Variants in BBS9 observed in about 807,000 individuals in gnomAD.
BBS9 encodes protein PTHB1.
In BBS9, 89 loss-of-function variants were observed where a neutral mutation model predicts 117.7. The observed-to-expected ratio is 0.76, with a 90% CI of 0.64 to 0.90. The LOEUF (loss-of-function observed/expected upper bound fraction) is 0.90, where lower values mean the gene tolerates loss of function less well. Among genes scored for constraint, BBS9 ranks in the 40% least tolerant of loss-of-function variants. The probability of loss-of-function intolerance (pLI) is 0.00; values close to 1 mark genes in which losing one functional copy is unlikely to be tolerated. For synonymous variants in BBS9, 379 were observed against 370.9 expected (o/e 1.02, Z -0.25); for missense variants, 982 against 1,042.2 (o/e 0.94, Z 0.80).
At chr7:33,161,554 TA>T (rs1794850434) in intron 4 of BBS9, among the ~76,000 whole-genome samples, 1 of 152,248 alleles carries the variant, frequency 6.6e-6, no homozygotes, top group Non-Finnish European at 1.5e-5. Flanking sequence ...AAGTCTTTGC[TA>T]TTGTGAATAG....
chr7:33,490,611 C>G (rs1296049646), intron 19 of BBS9, among the ~76,000 whole-genome samples: 5 of 152,136 alleles, frequency 3.3e-5, no homozygotes, highest in African/African-American at 1.2e-4. Context: ...CTCATTGAGC[C>G]AAATTTCTTC....
At chr7:33,465,405 G>T (rs991968393) in intron 19 of BBS9, among the ~76,000 whole-genome samples, 1 of 152,074 alleles carries the variant, frequency 6.6e-6, no homozygotes, top group Non-Finnish European at 1.5e-5. Context: ...GCAGAGGAAT[G>T]CCAGCAGGGG....
intron 19 of BBS9, among the ~76,000 whole-genome samples, chr7:33,393,682 T>C (rs987028568): frequency 6.6e-6 from 1 of 152,088 alleles, no homozygotes; most frequent in African/African-American, 2.4e-5. Context: ...CAGTGGTAGC[T>C]CTTCTGGATA....
intron 9 of BBS9, among the ~76,000 whole-genome samples, chr7:33,289,699 A>C (rs1803613695): frequency 6.6e-6 from 1 of 152,142 alleles, no homozygotes; most frequent in Non-Finnish European, 1.5e-5. Flanking sequence ...TGAATATTTA[A>C]AAATTTTCTT....
chr7:33,527,197 TTTTG>T (rs1480995524), intron 20 of BBS9, among the ~76,000 whole-genome samples: 1 of 152,144 alleles, frequency 6.6e-6, no homozygotes, highest in African/African-American at 2.4e-5. Context: ...ACTGCTGTCT[TTTTG>T]TTTGTCTGTG....
At chr7:33,289,450 T>C (rs761998465) in intron 9 of BBS9, among the ~76,000 whole-genome samples, 20 of 152,274 alleles carry the variant, frequency 1.3e-4, no homozygotes, top group Non-Finnish European at 2.5e-4. Context: ...TTAAGGACAG[T>C]GTTATGTAAA....
In BBS9 at chr7:33,574,725, A is replaced by ACACACACG. The variant is rs1251263949; in HGVS notation, c.2522-30139_2522-30138insACACACGC. Among the ~76,000 whole-genome samples, 86 of 125,902 alleles carry ACACACACG rather than the reference A, an allele frequency of 6.8e-4. 1 individual carries two copies. The highest frequency in any genetic ancestry group is 3.9e-3 in the Middle Eastern group (1 of 258). The allele number at this position is 125,902 out of a possible 152,430, so 82.6% of individuals were successfully genotyped here. Reference sequence around the variant, plus strand: ...CACACACACACACACACACACACACACGCGCACACACACACACTTTCACTA... The same window carrying ACACACACG: ...CACACACACACACACACACACACACACACACACGCGCGCACACACACACACTTTCACTA... On this transcript the variant is annotated intron_variant, in intron 21 of 22. Coordinates refer to ENST00000242067, the MANE Select transcript of BBS9 (RefSeq NM_198428.3).
chr7:33,422,025 A>G (rs1472795501), intron 19 of BBS9, among the ~76,000 whole-genome samples: 3 of 152,188 alleles, frequency 2.0e-5, no homozygotes. Flanking sequence ...AGCCTTCCAG[A>G]TTTATGAATG....
chr7:33,482,501 T>C (rs557916238), intron 19 of BBS9, among the ~76,000 whole-genome samples: 15 of 152,168 alleles, frequency 9.9e-5, no homozygotes, highest in Non-Finnish European at 1.6e-4. Flanking sequence ...GGAAATACAG[T>C]TGTATAATTG....
chr7:33,584,914 A>G (rs1333173128), intron 21 of BBS9, among the ~76,000 whole-genome samples: 3 of 151,884 alleles, frequency 2.0e-5, no homozygotes, highest in African/African-American at 7.2e-5. Context: ...TCTTTTAATT[A>G]TTTTTCCTTT....
At chr7:33,410,486 C>T (rs191027204) in intron 19 of BBS9, among the ~76,000 whole-genome samples, 1 of 152,226 alleles carries the variant, frequency 6.6e-6, no homozygotes, top group Non-Finnish European at 1.5e-5. Context: ...GTGACTCAGC[C>T]CCCTCTCTGT....
At chr7:33,612,870 C>T (rs973187594) in intron 21 of BBS9, among the ~76,000 whole-genome samples, 2 of 152,076 alleles carry the variant, frequency 1.3e-5, no homozygotes, top group Admixed American at 1.3e-4. Context: ...CAGATGGCCT[C>T]AATTTTAGGC....
Position 33,259,409 on chromosome 7 carries a change from T to G in BBS9, c.617+1999T>G, listed in dbSNP as rs551619804. Reference sequence around the variant, plus strand: ...GATGCTAGTCCCCAGTCCCCTAGATTTCTTTTAATAGGTTAGGGGATAAGA... The same window carrying G: ...GATGCTAGTCCCCAGTCCCCTAGATGTCTTTTAATAGGTTAGGGGATAAGA... On this transcript the variant is annotated intron_variant, in intron 6 of 22. Transcript: ENST00000242067. Among the ~76,000 whole-genome samples the G allele has an allele frequency of 3.0e-4, 46 of 152,270 alleles. 2 individuals carry two copies. The South Asian group carries it at 8.3e-3, about 28-fold the overall frequency.
chr7:33,145,495 T>C, intron 1 of BBS9, among the ~76,000 whole-genome samples: 1 of 152,212 alleles, frequency 6.6e-6, no homozygotes, highest in East Asian at 1.9e-4. Context: ...ATTTTCCTGC[T>C]TCTTTTTTGG....
intron 20 of BBS9, among the ~76,000 whole-genome samples, chr7:33,521,108 G>T (rs1021636431): frequency 4.6e-5 from 7 of 152,044 alleles, no homozygotes; most frequent in Admixed American, 2.6e-4. Flanking sequence ...TTAGTATTTT[G>T]CTTTGTTTTA....
rs191859219 is a variant in BBS9 at position 33,379,381 on chromosome 7, G to C, written c.1790-4285G>C. 2.0e-3 allele frequency among the ~76,000 whole-genome samples: 303 copies of C among 152,084 alleles called. 2 individuals are homozygous for C. Among genetic ancestry groups the C allele is most frequent in the Non-Finnish European group, 1.9e-3 (129 of 67,990 alleles). On this transcript the variant is annotated intron_variant, in intron 17 of 22. Transcript: ENST00000242067. ...TTTCACTGAAAATTTATAGTTGAATGGAATAAATTCCTCTCTACAGCTCTA... is the reference window on the plus strand; with the variant it reads ...TTTCACTGAAAATTTATAGTTGAATCGAATAAATTCCTCTCTACAGCTCTA...
chr7:33,450,472 C>G (rs1213108102), intron 19 of BBS9, among the ~76,000 whole-genome samples: 1 of 152,186 alleles, frequency 6.6e-6, no homozygotes, highest in African/African-American at 2.4e-5. Flanking sequence ...AGCAGTTGCA[C>G]TCTTTTACAT....
At chr7:33,563,360 TCA>T (rs139822664) in intron 21 of BBS9, among the ~76,000 whole-genome samples, 5,210 of 152,252 alleles carry the variant, frequency 0.034, 171 homozygotes, top group African/African-American at 0.088. Flanking sequence ...TTGTTTTGTT[TCA>T]CAAACAACTA....
chr7:33,460,341 A>C (rs192716342), intron 19 of BBS9, among the ~76,000 whole-genome samples: 18 of 152,224 alleles, frequency 1.2e-4, no homozygotes, highest in Middle Eastern at 3.4e-3. Context: ...TGTTTATTTC[A>C]AAAACTGTCT....
Sources: allele counts gnomAD v4.1 joint callset (sites outside exome capture counted in the v4.1 genomes callset), GRCh38; gene constraint gnomAD v4.1.1; transcripts MANE v1.5; gene names NCBI Gene and HGNC (gene_info 2026-07-23, HGNC 2026-07-21).